The following ME3 variants were observed in gnomAD, a reference collection of about 807,000 sequenced individuals.
The protein encoded by ME3 is NADP-dependent malic enzyme, mitochondrial.
ME3 carries 48 observed loss-of-function variants against 68.9 expected under a neutral mutation model. That is an observed-to-expected ratio of 0.70 (90% CI 0.55 to 0.89). The LOEUF (loss-of-function observed/expected upper bound fraction) is 0.89, where lower values mean the gene tolerates loss of function less well. ME3 is among the 40% of genes least tolerant of loss of function. The probability of loss-of-function intolerance (pLI) is 0.00; values close to 1 mark genes in which losing one functional copy is unlikely to be tolerated. For missense variants in ME3, 675 were observed against 797.4 expected (o/e 0.85, Z 1.85); for synonymous variants, 320 against 318.8 (o/e 1.00, Z -0.04).
At chr11:86,542,291 G>GGACTTTGATTAATT (rs1167829554) in intron 4 of ME3, among the ~76,000 whole-genome samples, 1 of 152,134 alleles carries the variant, frequency 6.6e-6, no homozygotes, top group African/African-American at 2.4e-5. Flanking sequence ...GAACAAAACT[G>GGACTTTGATTAATT]GACAGAGCAT....
At chr11:86,552,450 G>A (rs1253257314) in intron 4 of ME3, among the ~76,000 whole-genome samples, 2 of 152,098 alleles carry the variant, frequency 1.3e-5, no homozygotes, top group Non-Finnish European at 2.9e-5. Context: ...CTGCTAAGTC[G>A]GTTTGGCCAA....
intron 6 of ME3, among the ~76,000 whole-genome samples, chr11:86,492,524 T>C (rs1952066974): frequency 6.6e-6 from 1 of 152,206 alleles, no homozygotes; most frequent in South Asian, 2.1e-4. Context: ...TTCCATACTT[T>C]AGTGTTCAGT....
intron 2 of ME3, among the ~76,000 whole-genome samples, chr11:86,571,550 A>T (rs1957791748): frequency 6.6e-6 from 1 of 152,342 alleles, no homozygotes; most frequent in Non-Finnish European, 1.5e-5. Flanking sequence ...TACAACTGAG[A>T]AATTGAATTT....
intron 8 of ME3, among the ~76,000 whole-genome samples, chr11:86,460,927 G>A (rs1692135205): frequency 6.6e-6 from 1 of 152,196 alleles, no homozygotes; most frequent in Admixed American, 6.5e-5. Context: ...CACATCACAG[G>A]CTTCTGGCCT....
chr11:86,500,464 G>A (rs1450425108), intron 5 of ME3, among the ~76,000 whole-genome samples: 2 of 152,200 alleles, frequency 1.3e-5, no homozygotes, highest in East Asian at 3.9e-4. Flanking sequence ...TATTCCAACA[G>A]TTTCACAACC....
rs546671749 is a variant in ME3, at chr11:86,564,509, G to T, written c.184-4686C>A. Among the ~76,000 whole-genome samples, 3 of 147,888 alleles carry T rather than the reference G, an allele frequency of 2.0e-5. No homozygotes were observed. In the South Asian group the frequency reaches 6.4e-4, roughly 31 times the overall value. ...GGACTGGCATAAGAATAGACATATA[G>T]GTAAATGGAATAGAATAAAGAGTTC... On this transcript the variant is annotated intron_variant, in intron 2 of 14. Coordinates refer to ENST00000543262, the Ensembl canonical transcript of ME3.
At chr11:86,555,127 G>A (rs1956865137) in intron 4 of ME3, among the ~76,000 whole-genome samples, 1 of 152,134 alleles carries the variant, frequency 6.6e-6, no homozygotes, top group South Asian at 2.1e-4. Context: ...ACGTGCCAAG[G>A]CATGGAGAAG....
chr11:86,523,409 G>T (rs1259659274), intron 4 of ME3, among the ~76,000 whole-genome samples: 1 of 152,148 alleles, frequency 6.6e-6, no homozygotes, highest in African/African-American at 2.4e-5. Flanking sequence ...TGCCTTTCTT[G>T]TTGGAGTTTC....
At chr11:86,516,710 T>G (rs1953929170) in intron 4 of ME3, among the ~76,000 whole-genome samples, 1 of 152,156 alleles carries the variant, frequency 6.6e-6, no homozygotes, top group Non-Finnish European at 1.5e-5. Flanking sequence ...TATCTAAAAT[T>G]ATATTGTATG....
chr11:86,595,276 CAT>C (rs1163277100), intron 2 of ME3, among the ~76,000 whole-genome samples: 1 of 105,906 alleles, frequency 9.4e-6, no homozygotes, highest in African/African-American at 3.7e-5. Flanking sequence ...CTCTATTTTA[CAT>C]ATATATACAT....
At chr11:86,668,364 T>A (rs1946706107) in intron 2 of ME3, 1 of 152,248 alleles carries the variant, frequency 6.6e-6, no homozygotes, top group African/African-American at 2.4e-5. Flanking sequence ...TTTATTAACT[T>A]CAATGCATTT....
chr11:86,646,610 C>G (rs1945033056), intron 2 of ME3, among the ~76,000 whole-genome samples: 1 of 152,176 alleles, frequency 6.6e-6, no homozygotes, highest in Admixed American at 6.5e-5. Context: ...AGAATGGAAC[C>G]AAGTTGGGAA....
In ME3 at chr11:86,443,822, C is replaced by A. The variant is rs11234657; in HGVS notation, c.1555-903G>T. On this transcript the variant is annotated intron_variant, in intron 13 of 14. Transcript: ENST00000543262. Reference sequence around the variant, plus strand: ...TCAGTCATACATTCACTGTGCTCTACTATATCTTTCAAAACAGAGAGAAGG... The same window carrying A: ...TCAGTCATACATTCACTGTGCTCTAATATATCTTTCAAAACAGAGAGAAGG... Among the ~76,000 whole-genome samples, 150 of 152,340 alleles carry A rather than the reference C, an allele frequency of 9.8e-4. 2 individuals are homozygous for A. In the East Asian group the frequency reaches 0.026, roughly 27 times the overall value.
At chr11:86,471,853 G>T (rs1357277064) in intron 7 of ME3, among the ~76,000 whole-genome samples, 1 of 152,132 alleles carries the variant, frequency 6.6e-6, no homozygotes, top group Non-Finnish European at 1.5e-5. Flanking sequence ...ATGAACAAGG[G>T]ACTGTACTAC....
In ME3 at chr11:86,542,206, C is replaced by T. The variant is rs151253450; in HGVS notation, c.467+14347G>A. ...ATCCACAAAGATGAGGAAAAAGCAG[C>T]GCAAAAATGCTGAAAATTCCAAAAA... On this transcript the variant is annotated intron_variant, in intron 4 of 14. Transcript: ENST00000543262. Among the ~76,000 whole-genome samples, 1,039 of 152,222 alleles carry T rather than the reference C, an allele frequency of 6.8e-3. 10 individuals carry two copies. Among genetic ancestry groups the T allele is most frequent in the African/African-American group, 0.023 (948 of 41,522 alleles).
At chr11:86,556,698 T>A (rs745394009) in exon 4 of ME3, 1 of 1,613,984 alleles carries the variant, frequency 6.2e-7, no homozygotes, top group Non-Finnish European at 8.5e-7. Flanking sequence ...ATGAGAATGA[T>A]GTACCTTGTA....
At chr11:86,594,628 A>G (rs1334434248) in intron 2 of ME3, among the ~76,000 whole-genome samples, 2 of 146,170 alleles carry the variant, frequency 1.4e-5, no homozygotes, top group African/African-American at 2.5e-5. Flanking sequence ...CGAGAGGTCA[A>G]CGCTGCAGTG....
At chr11:86,483,016 T>TCTTG (rs1314590555) in intron 7 of ME3, among the ~76,000 whole-genome samples, 5 of 152,230 alleles carry the variant, frequency 3.3e-5, no homozygotes, top group Admixed American at 3.3e-4. Context: ...ACACCACAGA[T>TCTTG]CAAGAGGCAA....
At chr11:86,666,349 T>G (rs1264350458) in intron 2 of ME3, among the ~76,000 whole-genome samples, 1 of 152,220 alleles carries the variant, frequency 6.6e-6, no homozygotes, top group East Asian at 1.9e-4. Flanking sequence ...AAATGCATAC[T>G]GGATGGCAGA....
Sources: gnomAD v4.1 joint callset for allele counts (sites outside exome capture counted in the v4.1 genomes callset) on GRCh38, gnomAD v4.1.1 for gene constraint, MANE v1.5 for transcripts, NCBI Gene and HGNC (gene_info 2026-07-23, HGNC 2026-07-21) for gene names.